Variants in ADGRA1 observed in about 807,000 individuals in gnomAD.
The protein encoded by ADGRA1 is adhesion G protein-coupled receptor A1, also known as G-protein coupled receptor 123.
Under a neutral mutation model 21.3 loss-of-function variants are expected in ADGRA1, and 12 were observed. The ratio of observed to expected loss-of-function variants is 0.56; its 90% CI spans 0.36 to 0.91. The LOEUF (loss-of-function observed/expected upper bound fraction) is 0.91. Among genes scored for constraint, ADGRA1 ranks in the 40% least tolerant of loss-of-function variants. The pLI, the probability that ADGRA1 is intolerant of heterozygous loss-of-function variation, is 0.01. For missense variants in ADGRA1, 790 were observed against 805.6 expected (o/e 0.98, Z 0.23); for synonymous variants, 385 against 368.8 (o/e 1.04, Z -0.50).
intron 5 of ADGRA1, among the ~76,000 whole-genome samples, chr10:133,105,477 C>T (rs573369359): frequency 1.3e-5 from 2 of 152,326 alleles, no homozygotes; most frequent in South Asian, 4.1e-4. Context: ...CCTCGCCATC[C>T]TGAAGGCCCA....
chr10:133,106,516 C>T (rs1249829119), intron 5 of ADGRA1, among the ~76,000 whole-genome samples: 1 of 152,244 alleles, frequency 6.6e-6, no homozygotes, highest in Admixed American at 6.5e-5. Context: ...CATCCACCCA[C>T]ATGCATCCCT....
chr10:133,088,977 C>A, intron 2 of ADGRA1, 65 bp downstream of exon 2: 1 of 1,235,006 alleles, frequency 8.1e-7, no homozygotes, highest in Non-Finnish European at 1.0e-6. Flanking sequence ...GGCGGCCACC[C>A]GTATGGGGAC....
At chr10:133,090,388 C>A (rs1009351177) in intron 2 of ADGRA1, among the ~76,000 whole-genome samples, 2 of 152,258 alleles carry the variant, frequency 1.3e-5, no homozygotes, top group Admixed American at 6.5e-5. Flanking sequence ...CTGTGAAAGC[C>A]TGCTGAGCTC....
In ADGRA1 at chr10:133,129,398, G is replaced by A. The variant is rs1470661511; in HGVS notation, c.1570G>A (p.Gly524Ser). ...GAGGACACAGTCCCTGCCCTTTGGT[G>A]GCCCCAGCCAGAACGGGCTGCCCAA... ...LRRTQSLPFGGPSQNGLPKGK... is the reference protein window; with the variant it reads ...LRRTQSLPFGSPSQNGLPKGK... The change falls in exon 7 of 7, where the codon GGC (glycine) becomes AGC (serine). Residue 524 changes from glycine (G) to serine (S), a missense_variant. Around this residue, in one of 3 missense-constraint regions of ADGRA1, gnomAD observed 391 missense variants for 351.5 expected, o/e 1.11. Transcript: ENST00000392607. 1.2e-6 allele frequency: 2 copies of A among 1,606,180 alleles called. No homozygotes were observed. The highest frequency in any genetic ancestry group is 8.5e-7 in the Non-Finnish European group (1 of 1,179,056).
At position 133,091,651 on chromosome 10, in the gene ADGRA1, T is replaced by G. The variant is rs189639053; in HGVS notation, c.3+2739T>G. ...TCAATTCAGGGCTGACTCTTGGTCA[T>G]CAGAGGCGCTGTTTGCTGCACCCTG... On this transcript the variant is annotated intron_variant, in intron 2 of 6. Coordinates refer to ENST00000392607, the MANE Select transcript of ADGRA1 (RefSeq NM_001083909.3). Among the ~76,000 whole-genome samples, 41 of 152,276 alleles carry G rather than the reference T, an allele frequency of 2.7e-4. 1 individual carries two copies. In the East Asian group the frequency reaches 7.5e-3, roughly 28 times the overall value.
intron 5 of ADGRA1, among the ~76,000 whole-genome samples, chr10:133,111,179 G>GACAACCTGCCCGCCACAGA (rs1564848904): frequency 7.7e-5 from 2 of 26,090 alleles, no homozygotes; most frequent in African/African-American, 3.9e-4. Context: ...CCCGCCGTGA[G>GACAACCTGCCCGCCACAGA]CACCTCCCTC....
chr10:133,100,258 G>A (rs1366479202), intron 4 of ADGRA1, among the ~76,000 whole-genome samples: 1 of 152,234 alleles, frequency 6.6e-6, no homozygotes, highest in Non-Finnish European at 1.5e-5. Flanking sequence ...CGTACCTCCT[G>A]CCTCCTTAAT....
Position 133,129,890 on chromosome 10 carries a change from A to C in ADGRA1, c.*379A>C. The C allele has an allele frequency of 1.0e-5, 2 of 198,236 alleles. No homozygotes were observed. The highest frequency in any genetic ancestry group is 1.0e-5 in the Non-Finnish European group (1 of 96,538). The allele number at this position is 198,236 out of a possible 1,614,324, so 12.3% of individuals were successfully genotyped here. A position where few individuals can be genotyped will look rare whatever the true frequency, so the allele number is the denominator to read the frequency against. On this transcript the variant is annotated 3_prime_UTR_variant, in exon 7 of 7. Coordinates refer to ENST00000392607, the MANE Select transcript of ADGRA1 (RefSeq NM_001083909.3). ...TCAAAGGACCCACTGAGACCCCAGC[A>C]TGGCCCTGCCCGAGATGCCCTGCTG...
chr10:133,110,037 C>T (rs1204896617), intron 5 of ADGRA1, among the ~76,000 whole-genome samples: 1 of 152,216 alleles, frequency 6.6e-6, no homozygotes, highest in Non-Finnish European at 1.5e-5. Flanking sequence ...CAGGACTCAG[C>T]AGCGGCGGCG....
At chr10:133,098,908 G>A (rs569132555) in intron 4 of ADGRA1, 145 bp downstream of exon 4, 32 of 1,141,756 alleles carry the variant, frequency 2.8e-5, no homozygotes, top group African/African-American at 2.8e-4. Flanking sequence ...TCGGCTTCAC[G>A]CCATGCAAGT....
At chr10:133,088,237 GC>G (rs1329727306) in intron 1 of ADGRA1, 99 bp downstream of exon 1, 5 of 445,700 alleles carry the variant, frequency 1.1e-5, no homozygotes, top group Non-Finnish European at 1.5e-5. Flanking sequence ...CGCGAGGAAA[GC>G]AGCTCCGAGT....
At chr10:133,107,791 T>C (rs933658596) in intron 5 of ADGRA1, among the ~76,000 whole-genome samples, 1 of 152,176 alleles carries the variant, frequency 6.6e-6, no homozygotes, top group African/African-American at 2.4e-5. Context: ...TTCTCACAGA[T>C]CTCTAGATAG....
At chr10:133,094,859 TG>T (rs1851661239) in intron 2 of ADGRA1, among the ~76,000 whole-genome samples, 1 of 152,156 alleles carries the variant, frequency 6.6e-6, no homozygotes, top group South Asian at 2.1e-4. Flanking sequence ...TCTACCCACA[TG>T]GGGCATTCTC....
chr10:133,088,075 G>A lies in ADGRA1; in HGVS notation c.-266G>A, dbSNP rs1851531880. 2.0e-6 allele frequency: 2 copies of A among 985,234 alleles called. No individual in the cohort carries two copies. The highest frequency in any genetic ancestry group is 2.3e-4 in the East Asian group (2 of 8,806). The allele number at this position is 985,234 out of a possible 1,614,324, so 61.0% of individuals were successfully genotyped here. ...GGAGAGCGGGTCCCCGGCGGGGGGA[G>A]CGCAGCGCGTCTGTCTCCGGGAGCG... On this transcript the variant is annotated 5_prime_UTR_variant, in exon 1 of 7. Coordinates refer to ENST00000392607, the MANE Select transcript of ADGRA1 (RefSeq NM_001083909.3).
chr10:133,124,318 C>T (rs927224980), intron 5 of ADGRA1, among the ~76,000 whole-genome samples: 2 of 152,214 alleles, frequency 1.3e-5, no homozygotes, highest in Non-Finnish European at 1.5e-5. Context: ...TGTGCTCTGC[C>T]GTGAGTCAGC....
Position 133,128,378 on chromosome 10 carries a change from G to T in ADGRA1, c.550G>T (p.Ala184Ser), listed in dbSNP as rs756895733. ...CCTGGGCGCCTTCTACGGCCCAGCC[G>T]CCATCATCACCCTGGTCACCTGTGT... ...PSLGAFYGPA[A>S]IITLVTCVYF... Residue 184 changes from alanine to serine, a missense_variant, in exon 7 of 7, where the codon GCC becomes TCC. By Grantham distance (99) the Ala-to-Ser change is moderately conservative. Coordinates refer to ENST00000392607, the MANE Select transcript of ADGRA1 (RefSeq NM_001083909.3). The T allele has an allele frequency of 1.3e-6, 2 of 1,587,214 alleles. No individual in the cohort carries two copies. Among genetic ancestry groups the T allele is most frequent in the Admixed American group, 1.8e-5 (1 of 55,132 alleles).
intron 5 of ADGRA1, among the ~76,000 whole-genome samples, chr10:133,107,807 G>A (rs1220361897): frequency 1.3e-5 from 2 of 152,166 alleles, no homozygotes; most frequent in East Asian, 3.8e-4. Context: ...GATAGTCAGG[G>A]AAAAAACCAC....
intron 5 of ADGRA1, among the ~76,000 whole-genome samples, chr10:133,103,318 G>A (rs374408313): frequency 3.2e-4 from 49 of 152,304 alleles, no homozygotes; most frequent in African/African-American, 1.1e-3. Flanking sequence ...CATGGTCTCC[G>A]TAACATCAGG....
chr10:133,111,151 A>C (rs1294053099), intron 5 of ADGRA1, among the ~76,000 whole-genome samples: 4 of 149,368 alleles, frequency 2.7e-5, no homozygotes, highest in Non-Finnish European at 5.9e-5. Flanking sequence ...TCCTCTCCTA[A>C]TCCCACCAGA....
Sources: allele counts gnomAD v4.1 joint callset (sites outside exome capture counted in the v4.1 genomes callset), GRCh38; gene constraint gnomAD v4.1.1; regional missense constraint gnomAD v4.1.1; transcripts MANE v1.5; gene names NCBI Gene and HGNC (gene_info 2026-07-23, HGNC 2026-07-21).